Variants in TBC1D30 observed in about 807,000 individuals in gnomAD.
TBC1D30 encodes the protein TBC1 domain family member 30.
In TBC1D30, 31 loss-of-function variants were observed where a neutral mutation model predicts 63.2. The observed-to-expected ratio is 0.49, with a 90% confidence interval of 0.37 to 0.66. TBC1D30 has a LOEUF of 0.66. Ranked by LOEUF, TBC1D30 falls within the 30% of genes least tolerant of loss-of-function variation. The pLI is 0.00. For synonymous variants in TBC1D30, 307 were observed against 361.5 expected, an observed-to-expected ratio of 0.85 and a Z score of 1.71; for missense variants, 810 against 953.6, an observed-to-expected ratio of 0.85 and a Z score of 1.98.
intron 1 of TBC1D30, among the ~76,000 whole-genome samples, chr12:64,767,550 A>G (rs1252149783): frequency 6.6e-6 from 1 of 152,198 alleles, no homozygotes; most frequent in African/African-American, 2.4e-5. Flanking sequence ...ACATTCATAC[A>G]GAATGAACAA....
intron 2 of TBC1D30, among the ~76,000 whole-genome samples, chr12:64,807,496 A>G (rs1447211954): frequency 6.6e-6 from 1 of 152,222 alleles, no homozygotes; most frequent in Non-Finnish European, 1.5e-5. Context: ...GCCTAACACT[A>G]CTGAAGTGTA....
intron 2 of TBC1D30, among the ~76,000 whole-genome samples, chr12:64,796,285 C>G (rs1409125481): frequency 1.3e-5 from 2 of 151,840 alleles, no homozygotes; most frequent in East Asian, 3.9e-4. Flanking sequence ...TCTCCATTTA[C>G]CCACAACCTT....
intron 8 of TBC1D30, among the ~76,000 whole-genome samples, chr12:64,850,880 T>G (rs1275405861): frequency 6.6e-6 from 1 of 152,026 alleles, no homozygotes; most frequent in Admixed American, 6.5e-5. Flanking sequence ...TCTAGTAGAA[T>G]TTGGCTGTGA....
In TBC1D30 at chr12:64,825,021, A is replaced by G; in HGVS notation, c.142A>G (p.Thr48Ala). Residue 48 changes from threonine (T) to alanine (A), a missense_variant, in exon 1 of 12, where the codon ACC becomes GCC. Physicochemically the swap from Thr to Ala is moderately conservative, Grantham distance 58 (BLOSUM62 0). This residue lies in a region of TBC1D30 where 272 missense variants were observed against 335.9 expected (regional missense o/e 0.81). Coordinates refer to ENST00000539867, the MANE Select transcript of TBC1D30 (RefSeq NM_015279.2). ...ISRTAPRLLC[T>A]LEPGVDTKLK... ...CCGGACCGCGCCCCGGCTGCTGTGC[A>G]CCCTGGAGCCGGGTGAGGACCCCAG... is the stretch of plus-strand genomic sequence containing the variant. 2 of 1,533,098 alleles carry G rather than the reference A, an allele frequency of 1.3e-6. No homozygotes were observed. The highest frequency in any genetic ancestry group is 1.7e-6 in the Non-Finnish European group (2 of 1,146,054). The allele number at this position is 1,533,098 out of a possible 1,614,324, so 95.0% of individuals were successfully genotyped here.
chr12:64,858,781 G>T (rs1472067371), intron 8 of TBC1D30, among the ~76,000 whole-genome samples: 4 of 152,188 alleles, frequency 2.6e-5, no homozygotes, highest in Admixed American at 1.3e-4. Flanking sequence ...TGTGCCAGGT[G>T]CAGGGACACA....
intron 2 of TBC1D30, among the ~76,000 whole-genome samples, chr12:64,794,607 T>C (rs1474936354): frequency 6.6e-6 from 1 of 152,110 alleles, no homozygotes; most frequent in African/African-American, 2.4e-5. Context: ...CTAATTTTTG[T>C]ATTTTTTGTA....
chr12:64,837,214 A>G (rs1317506174), intron 6 of TBC1D30, among the ~76,000 whole-genome samples: 2 of 152,102 alleles, frequency 1.3e-5, no homozygotes, highest in Non-Finnish European at 2.9e-5. Context: ...GTGGTCCCCA[A>G]CCTTTTTGGC....
intron 2 of TBC1D30, among the ~76,000 whole-genome samples, chr12:64,792,427 A>G (rs927610527): frequency 6.6e-6 from 1 of 152,192 alleles, no homozygotes; most frequent in Non-Finnish European, 1.5e-5. Context: ...TAATGTTGCT[A>G]TCTTAGATAA....
intron 1 of TBC1D30, among the ~76,000 whole-genome samples, chr12:64,762,978 G>A (rs1147088): frequency 0.7 from 105,730 of 152,054 alleles, 38,271 homozygotes; most frequent in African/African-American, 0.9. Context: ...ATTTTATTTT[G>A]TATTATTTTA....
chr12:64,824,868 G>A lies in TBC1D30; in HGVS notation c.-12G>A. ...CGGACGGTAGCCGTGCCAGAGCCCG[G>A]GGCGCTCTCGGATGCGGCAGGACAA... On this transcript the variant is annotated 5_prime_UTR_variant, in exon 1 of 12. Transcript: ENST00000539867. 2 of 1,532,562 alleles carry A rather than the reference G, an allele frequency of 1.3e-6. No individual in the cohort carries two copies. The highest frequency in any genetic ancestry group is 2.4e-5 in the South Asian group (2 of 83,664). The allele number at this position is 1,532,562 out of a possible 1,614,324, so 94.9% of individuals were successfully genotyped here.
chr12:64,853,484 T>C (rs1877044394), intron 8 of TBC1D30, among the ~76,000 whole-genome samples: 1 of 152,028 alleles, frequency 6.6e-6, no homozygotes, highest in Non-Finnish European at 1.5e-5. Context: ...CAGCCCCCTT[T>C]CCAGAGGAGT....
chr12:64,829,977 C>T (rs1291586792), intron 3 of TBC1D30, among the ~76,000 whole-genome samples: 10 of 152,184 alleles, frequency 6.6e-5, no homozygotes, highest in Non-Finnish European at 1.3e-4. Flanking sequence ...GCCCCATTCA[C>T]CATGAGTGAC....
intron 8 of TBC1D30, among the ~76,000 whole-genome samples, chr12:64,856,569 G>A (rs142464343): frequency 1.7e-3 from 253 of 152,260 alleles, no homozygotes; most frequent in African/African-American, 5.7e-3. Context: ...TCTGGAACTG[G>A]GAGTGTGGTG....
At chr12:64,833,308 G>A (rs926035319) in intron 5 of TBC1D30, among the ~76,000 whole-genome samples, 1 of 152,072 alleles carries the variant, frequency 6.6e-6, no homozygotes, top group Non-Finnish European at 1.5e-5. Flanking sequence ...TGTTGAGATG[G>A]GGCACTAGTG....
At chr12:64,785,841 C>T (rs1871536836) in intron 1 of TBC1D30, 1 of 1,262,854 alleles carries the variant, frequency 7.9e-7, no homozygotes, top group Admixed American at 2.3e-5. Context: ...GTATTCCTCT[C>T]AAGGTATTAA....
At chr12:64,780,943 C>T (rs772802130) in exon 1 of TBC1D30, 9 of 1,058,354 alleles carry the variant, frequency 8.5e-6, no homozygotes, top group Non-Finnish European at 9.2e-6. Context: ...CCCCGCGCCT[C>T]CGGGGAGCGG....
rs1726811248 is a variant in TBC1D30, at chr12:64,878,409, A to G, written c.*2621A>G. The G allele has an allele frequency of 1.1e-5, 5 of 456,192 alleles. No homozygotes were observed. Among genetic ancestry groups the G allele is most frequent in the East Asian group, 6.9e-5 (1 of 14,400 alleles). 28.3% of individuals were successfully genotyped at this position (456,192 alleles called of 1,614,324 possible). A position where few individuals can be genotyped will look rare whatever the true frequency, so the allele number is the denominator to read the frequency against. ...CAAGTAGTGGTTTCTTGATTTTTAGATATGTCTGTAGCCTCTTAGCCCTTT... is the reference window on the plus strand; with the variant it reads ...CAAGTAGTGGTTTCTTGATTTTTAGGTATGTCTGTAGCCTCTTAGCCCTTT... On this transcript the variant is annotated 3_prime_UTR_variant, in exon 12 of 12. Transcript: ENST00000539867.
intron 2 of TBC1D30, among the ~76,000 whole-genome samples, 189 bp downstream of exon 2, chr12:64,828,085 ACTTT>A (rs1874522013): frequency 6.6e-6 from 1 of 152,194 alleles, no homozygotes; most frequent in Non-Finnish European, 1.5e-5. Flanking sequence ...CAAATTTTGC[ACTTT>A]CTATTAATGG....
At chr12:64,812,643 G>A (rs559879566) in intron 2 of TBC1D30, among the ~76,000 whole-genome samples, 110 of 152,134 alleles carry the variant, frequency 7.2e-4, no homozygotes, top group African/African-American at 2.5e-3. Context: ...AAAAAAAATG[G>A]TTGAACCAAA....
Sources: gnomAD v4.1 joint callset for allele counts (sites outside exome capture counted in the v4.1 genomes callset) on GRCh38, gnomAD v4.1.1 for gene constraint, gnomAD v4.1.1 regional missense constraint, MANE v1.5 for transcripts, NCBI Gene and HGNC (gene_info 2026-07-23, HGNC 2026-07-21) for gene names.